XKR9: variants seen among roughly 807,000 people sequenced by gnomAD.
XKR9 encodes XK related 9.
Under a neutral mutation model 32.0 loss-of-function variants are expected in XKR9, and 32 were observed. That is an observed-to-expected ratio of 1.00 (90% CI 0.76 to 1.34). The LOEUF (loss-of-function observed/expected upper bound fraction) is 1.34. Among genes scored for constraint, XKR9 ranks in the 40% most tolerant of loss-of-function variants. The probability of loss-of-function intolerance (pLI) is 0.00; values close to 1 mark genes in which losing one functional copy is unlikely to be tolerated. For missense variants in XKR9, 546 were observed against 429.7 expected (o/e 1.27, Z -2.39); for synonymous variants, 168 against 143.4 (o/e 1.17, Z -1.22).
At chr8:70,745,873 T>C (rs915334717) in intron 2 of XKR9, among the ~76,000 whole-genome samples, 2 of 152,128 alleles carry the variant, frequency 1.3e-5, no homozygotes, top group Non-Finnish European at 2.9e-5. Flanking sequence ...ATTGTGGGGG[T>C]CAGAGATATA....
intron 2 of XKR9, among the ~76,000 whole-genome samples, chr8:70,743,759 C>G (rs564945960): frequency 3.4e-4 from 51 of 152,238 alleles, no homozygotes; most frequent in African/African-American, 1.0e-3. Flanking sequence ...ACCACATACT[C>G]TGTTCTCTGG....
the XKR9 span, among the ~76,000 whole-genome samples, chr8:70,900,677 A>G: frequency 1.3e-5 from 2 of 152,226 alleles, no homozygotes; most frequent in South Asian, 4.1e-4. Context: ...TTAAATTATT[A>G]TACTTTAAGT....
chr8:70,685,350 T>TGGGGGGA (rs1308422962), intron 3 of XKR9, among the ~76,000 whole-genome samples: 1 of 69,890 alleles, frequency 1.4e-5, no homozygotes, highest in African/African-American at 7.4e-5. Flanking sequence ...TGTTGTGGGG[T>TGGGGGGA]GGGGGGAGGG....
the XKR9 span, among the ~76,000 whole-genome samples, chr8:70,845,770 A>T: frequency 2.2e-4 from 33 of 152,260 alleles, no homozygotes; most frequent in African/African-American, 7.7e-4. Flanking sequence ...CAAAGAAAAA[A>T]TAATAAAAAA....
chr8:70,979,860 C>G, the XKR9 span, among the ~76,000 whole-genome samples: 1 of 152,186 alleles, frequency 6.6e-6, no homozygotes, highest in East Asian at 1.9e-4. Flanking sequence ...GCCCTACCCC[C>G]AAAGGTGGAG....
the XKR9 span, among the ~76,000 whole-genome samples, chr8:70,850,479 AAAAAAG>A: frequency 5.0e-5 from 7 of 140,782 alleles, no homozygotes; most frequent in Non-Finnish European, 9.6e-5. Context: ...AAAAAAAAAA[AAAAAAG>A]AAAGAAAATT....
chr8:70,780,600 A>G (rs138493115), intron 2 of XKR9, among the ~76,000 whole-genome samples: 1 of 152,148 alleles, frequency 6.6e-6, no homozygotes, highest in Non-Finnish European at 1.5e-5. Flanking sequence ...GGCAAGGAAG[A>G]ATTCTTCCCT....
the XKR9 span, among the ~76,000 whole-genome samples, chr8:71,042,948 A>T: frequency 0.61 from 92,220 of 152,006 alleles, 29,824 homozygotes; most frequent in East Asian, 0.94. Flanking sequence ...AGTGCTCCAC[A>T]CAATGGAACC....
chr8:70,757,813 C>T (rs1807250424), intron 2 of XKR9, among the ~76,000 whole-genome samples: 2 of 152,146 alleles, frequency 1.3e-5, no homozygotes, highest in South Asian at 4.1e-4. Flanking sequence ...TCTCGAACTC[C>T]TTACCTCAGG....
chr8:71,031,166 G>A, the XKR9 span, among the ~76,000 whole-genome samples: 1 of 152,174 alleles, frequency 6.6e-6, no homozygotes, highest in South Asian at 2.1e-4. Context: ...CATTTGCTGG[G>A]TGTCTTTCAG....
chr8:70,767,864 T>C (rs1807400030), intron 2 of XKR9, among the ~76,000 whole-genome samples: 1 of 152,168 alleles, frequency 6.6e-6, no homozygotes, highest in Admixed American at 6.5e-5. Context: ...GTTAATCTTT[T>C]CAAAAATCCA....
At chr8:70,722,226 T>C (rs916812006) in intron 4 of XKR9, among the ~76,000 whole-genome samples, 24 of 152,204 alleles carry the variant, frequency 1.6e-4, no homozygotes, top group Admixed American at 3.3e-4. Context: ...ATATGGCACA[T>C]GGATGGGTCT....
the XKR9 span, among the ~76,000 whole-genome samples, chr8:70,993,274 C>T: frequency 1.3e-5 from 2 of 152,170 alleles, no homozygotes; most frequent in Non-Finnish European, 2.9e-5. Flanking sequence ...GCTTCTGAAT[C>T]TTGAAAAGGC....
chr8:70,867,127 A>C, the XKR9 span, among the ~76,000 whole-genome samples: 1 of 152,184 alleles, frequency 6.6e-6, no homozygotes, highest in Non-Finnish European at 1.5e-5. Context: ...CAATCATGGC[A>C]GCAGGCAAGG....
At chr8:70,780,084 G>C (rs187707391) in intron 2 of XKR9, among the ~76,000 whole-genome samples, 2 of 151,456 alleles carry the variant, frequency 1.3e-5, no homozygotes, top group Non-Finnish European at 2.9e-5. Context: ...TTCTCTTGTG[G>C]GCATTTACTG....
intron 2 of XKR9, among the ~76,000 whole-genome samples, chr8:70,750,110 G>C (rs1444904732): frequency 6.6e-6 from 1 of 151,880 alleles, no homozygotes; most frequent in Non-Finnish European, 1.5e-5. Flanking sequence ...TTTTTTTCTG[G>C]ACTATAGAGC....
chr8:71,043,328 C>T, the XKR9 span, among the ~76,000 whole-genome samples: 1 of 152,196 alleles, frequency 6.6e-6, no homozygotes, highest in South Asian at 2.1e-4. Flanking sequence ...TTTTGGAATG[C>T]AGGCAGAATA....
the XKR9 span, among the ~76,000 whole-genome samples, chr8:70,956,665 C>T: frequency 3.3e-5 from 5 of 152,162 alleles, no homozygotes; most frequent in Non-Finnish European, 7.4e-5. Context: ...GCCCCCCTCC[C>T]GTGCCTGTTG....
chr8:70,883,438 TTG>T, the XKR9 span, among the ~76,000 whole-genome samples: 2 of 152,084 alleles, frequency 1.3e-5, no homozygotes, highest in Non-Finnish European at 2.9e-5. Context: ...TGCTATAGAC[TTG>T]TGTGTGTATG....
Sources: allele counts gnomAD v4.1 joint callset (sites outside exome capture counted in the v4.1 genomes callset), GRCh38; gene constraint gnomAD v4.1.1; transcripts MANE v1.5; gene names NCBI Gene and HGNC (gene_info 2026-07-23, HGNC 2026-07-21).